The following DROSHA variants were observed in gnomAD, a reference collection of about 807,000 sequenced individuals.
DROSHA encodes drosha ribonuclease III, also known as ribonuclease 3.
A neutral mutation model predicts 181.9 loss-of-function variants in DROSHA; 56 were observed. That is an observed-to-expected ratio of 0.31 (90% CI 0.25 to 0.38). The LOEUF (loss-of-function observed/expected upper bound fraction) is 0.38, where lower values mean the gene tolerates loss of function less well. Among genes scored for constraint, DROSHA ranks in the 10% least tolerant of loss-of-function variants. The probability of loss-of-function intolerance (pLI) is 1.00; values close to 1 mark genes in which losing one functional copy is unlikely to be tolerated. For synonymous variants in DROSHA, 524 were observed against 591.2 expected (o/e 0.89, Z 1.65); for missense variants, 1,218 against 1,743.5 (o/e 0.70, Z 5.37).
chr5:31,445,713 T>C (rs192334783), intron 23 of DROSHA, among the ~76,000 whole-genome samples: 66 of 152,336 alleles, frequency 4.3e-4, no homozygotes, highest in Non-Finnish European at 7.2e-4. Context: ...AGAAAAAGCA[T>C]GTGACAAAAT....
At chr5:31,525,935 T>C in intron 5 of DROSHA, 144 bp downstream of exon 5, 1 of 868,106 alleles carries the variant, frequency 1.2e-6, no homozygotes. Context: ...TTCTTCCTCT[T>C]GAAAACAGAG....
At chr5:31,461,060 G>A (rs1462052352) in intron 20 of DROSHA, among the ~76,000 whole-genome samples, 2 of 152,020 alleles carry the variant, frequency 1.3e-5, no homozygotes, top group Non-Finnish European at 2.9e-5. Flanking sequence ...ACCTGCACTG[G>A]ACTAAACATT....
chr5:31,420,015 T>C (rs377032461), intron 30 of DROSHA, among the ~76,000 whole-genome samples: 12 of 152,258 alleles, frequency 7.9e-5, no homozygotes, highest in African/African-American at 2.9e-4. Flanking sequence ...TCAGCACTTA[T>C]GATGGAACTC....
At chr5:31,506,345 A>G (rs1737949030) in intron 10 of DROSHA, among the ~76,000 whole-genome samples, 1 of 148,082 alleles carries the variant, frequency 6.8e-6, no homozygotes. Flanking sequence ...CCTGGGCGAC[A>G]GAGTGAGACC....
rs1740589578 is a variant in DROSHA, at chr5:31,526,493, G to A, written c.440C>T (p.Pro147Leu). The change falls in exon 5 of 36, where the codon CCC (proline) becomes CTC (leucine). Residue 147 changes from proline to leucine, a missense_variant. Pro to Leu is a moderately conservative substitution (Grantham distance 98). This residue lies in a region of DROSHA where 536 missense variants were observed against 535.4 expected (regional missense o/e 1.00). Transcript: ENST00000344624. Reference protein sequence around the residue: ...PGQGTFPFMMPPPSMPHPPPP... With the variant: ...PGQGTFPFMMLPPSMPHPPPP... The stretch of plus-strand genomic sequence containing the variant: ...CGGGGGATGAGGCATGGAGGGAGGG[G>A]GCATCATGAAGGGGAAAGTGCCTTG... The A allele has an allele frequency of 6.3e-7, 1 of 1,590,228 alleles. No individual in the cohort carries two copies. Among genetic ancestry groups the A allele is most frequent in the Non-Finnish European group, 8.6e-7 (1 of 1,165,998 alleles).
intron 12 of DROSHA, among the ~76,000 whole-genome samples, 186 bp from the exon 13 acceptor site, chr5:31,493,479 A>T (rs901868880): frequency 5.9e-5 from 9 of 152,192 alleles, no homozygotes; most frequent in Non-Finnish European, 1.3e-4. Flanking sequence ...TATAATATTT[A>T]CGTACTTAGA....
At chr5:31,493,937 T>TTGTGTGTGTGTGTGTGTGTG (rs67311624) in intron 12 of DROSHA, among the ~76,000 whole-genome samples, 5 of 144,820 alleles carry the variant, frequency 3.5e-5, no homozygotes, top group African/African-American at 1.3e-4. Flanking sequence ...TAACCCACCA[T>TTGTGTGTGTGTGTGTGTGTG]TGTGTGTGTG....
rs1738280615 is a variant in DROSHA, at chr5:31,508,658, C to T, written c.1550G>A (p.Arg517Gln). The T allele has an allele frequency of 3.1e-6, 5 of 1,613,926 alleles. No homozygotes were observed. Among genetic ancestry groups the T allele is most frequent in the South Asian group, 1.1e-5 (1 of 91,078 alleles). Residue 517 changes from arginine to glutamine, a missense_variant, in exon 10 of 36, where the codon CGA becomes CAA. This residue lies in a region of DROSHA where 460 missense variants were observed against 774.2 expected (regional missense o/e 0.59). Transcript: ENST00000344624. ...GTTGTACCAAAGTTCATCATGAAGT[C>T]GGTCAGGGTGGGCCTTTTTGCGTTT... ...EIKRKKAHPD[R>Q]LHDELWYNDP...
At chr5:31,515,242 T>G in intron 7 of DROSHA, 23 bp from the exon 8 acceptor site, 1 of 1,583,898 alleles carries the variant, frequency 6.3e-7, no homozygotes, top group Non-Finnish European at 8.5e-7. Context: ...GCAAAGGAGG[T>G]TAATTATTAA....
rs1396900612 is a variant in DROSHA, at chr5:31,409,417, T to C, written c.3668-85A>G. The stretch of plus-strand genomic sequence containing the variant: ...AAGAGACCTAGACCTTTAAGCAAAA[T>C]TTTAGTAATAGTTTCAACTTCCAGG... On this transcript the variant is annotated intron_variant, in intron 31 of 35. Transcript: ENST00000344624. This position sits in a 1 kb window ranked among gnomAD's most constrained non-coding sequence, Gnocchi z 4.0. 1 of 1,274,084 alleles carries C rather than the reference T, an allele frequency of 7.8e-7. No individual in the cohort carries two copies. Among genetic ancestry groups the C allele is most frequent in the African/African-American group, 1.5e-5 (1 of 65,946 alleles). The allele number at this position is 1,274,084 out of a possible 1,614,324, so 78.9% of individuals were successfully genotyped here.
rs1003933742 is a variant in DROSHA, at chr5:31,514,317, C to A, written c.1290+671G>T. Among the ~76,000 whole-genome samples the A allele has an allele frequency of 1.3e-4, 19 of 151,902 alleles. No homozygotes were observed. Among genetic ancestry groups the A allele is most frequent in the Admixed American group, 4.6e-4 (7 of 15,268 alleles). On this transcript the variant is annotated intron_variant, in intron 8 of 35. Coordinates refer to ENST00000344624, the MANE Select transcript of DROSHA (RefSeq NM_001382508.1). The surrounding 1 kb of genome is among the most constrained non-coding windows in gnomAD (Gnocchi z 4.4). The stretch of plus-strand genomic sequence containing the variant: ...AGTTACATGTGAAAGCTTATGAAAC[C>A]ACCAGTACTGAGACTACCAGTATCA...
chr5:31,473,571 TTC>T (rs1458942713), intron 16 of DROSHA, among the ~76,000 whole-genome samples: 14 of 152,214 alleles, frequency 9.2e-5, no homozygotes, highest in African/African-American at 2.4e-5. Context: ...TTCCTGAAGC[TTC>T]TACTGCAGTA....
At chr5:31,471,955 C>G in intron 17 of DROSHA, 108 bp downstream of exon 17, 2 of 1,026,746 alleles carry the variant, frequency 1.9e-6, no homozygotes, top group Non-Finnish European at 2.7e-6. Context: ...AGGACAAGAG[C>G]AGTGACTACC....
rs778233733 is a variant in DROSHA at position 31,508,691 on chromosome 5, G to T, written c.1517C>A (p.Ala506Glu). 11 of 1,613,810 alleles carry T rather than the reference G, an allele frequency of 6.8e-6. No individual in the cohort carries two copies. The South Asian group carries it at 1.2e-4, about 18-fold the overall frequency. ...GTGGGCCTTTTTGCGTTTGATTTCT[G>T]CAATAACGTCAAAAACTTCAGAGTC... is the stretch of plus-strand genomic sequence containing the variant. The part of the protein sequence containing the change: ...SSDSEVFDVI[A>E]EIKRKKAHPD... The change falls in exon 10 of 36, where the codon GCA (alanine) becomes GAA (glutamate). Residue 506 changes from alanine (A) to glutamate (E), a missense_variant. Physicochemically the swap from Ala to Glu is moderately radical, Grantham distance 107. Coordinates refer to ENST00000344624, the MANE Select transcript of DROSHA (RefSeq NM_001382508.1).
At chr5:31,455,692 G>A (rs968343524) in intron 20 of DROSHA, among the ~76,000 whole-genome samples, 2 of 149,600 alleles carry the variant, frequency 1.3e-5, no homozygotes, top group Non-Finnish European at 3.0e-5. Flanking sequence ...CCAGTTTGGA[G>A]TGCAGTGGCA....
intron 5 of DROSHA, among the ~76,000 whole-genome samples, chr5:31,524,516 A>C (rs755867189): frequency 6.6e-6 from 1 of 152,232 alleles, no homozygotes; most frequent in African/African-American, 2.4e-5. Context: ...TTGACAACAG[A>C]AGATCTCAAA....
At chr5:31,523,347 G>A (rs1740121771) in intron 5 of DROSHA, among the ~76,000 whole-genome samples, 1 of 152,184 alleles carries the variant, frequency 6.6e-6, no homozygotes, top group East Asian at 1.9e-4. Flanking sequence ...AAAGGAGTGT[G>A]GTTTAGGATA....
chr5:31,409,317 AG>A lies in DROSHA; in HGVS notation c.3682del (p.Leu1228CysfsTer14). On this transcript the variant is annotated frameshift_variant, in exon 32 of 36. Transcript: ENST00000344624. LOFTEE classifies it high-confidence loss of function. This position sits in a 1 kb window ranked among gnomAD's most constrained non-coding sequence, Gnocchi z 4.0. ...ADLLESFIAA[L>X]YIDKDLEYVH... is the part of the protein sequence containing the mutation. ...ATATTCCAAATCCTTATCAATGTAC[AG>A]CGCTGCAATAAATGCTGGGGAAAAA... 6.3e-7 allele frequency: 1 copy of A among 1,580,044 alleles called. No homozygotes were observed. Among genetic ancestry groups the A allele is most frequent in the Non-Finnish European group, 8.6e-7 (1 of 1,161,878 alleles).
At chr5:31,517,444 C>G (rs1448396566) in intron 6 of DROSHA, among the ~76,000 whole-genome samples, 1 of 152,134 alleles carries the variant, frequency 6.6e-6, no homozygotes, top group Non-Finnish European at 1.5e-5. Context: ...TTTTAATTCT[C>G]TCTCTCCAAG....
Sources: allele counts gnomAD v4.1 joint callset (sites outside exome capture counted in the v4.1 genomes callset), GRCh38; gene constraint gnomAD v4.1.1; regional missense constraint gnomAD v4.1.1; non-coding constraint Gnocchi (gnomAD v3.1); transcripts MANE v1.5; gene names NCBI Gene and HGNC (gene_info 2026-07-23, HGNC 2026-07-21).